Variants in HPSE2 observed in about 807,000 individuals in gnomAD.
HPSE2 encodes heparanase 2 (inactive).
Under a neutral mutation model 60.5 loss-of-function variants are expected in HPSE2, and 38 were observed. The ratio of observed to expected loss-of-function variants is 0.63; its 90% confidence interval spans 0.48 to 0.82. The LOEUF (loss-of-function observed/expected upper bound fraction) is 0.82. Among genes scored for constraint, HPSE2 ranks in the 40% least tolerant of loss-of-function variants. HPSE2 has a pLI of 0.00. For synonymous variants in HPSE2, 295 were observed against 293.2 expected (o/e 1.01, Z -0.06); for missense variants, 713 against 740.4 (o/e 0.96, Z 0.43).
chr10:98,884,900 T>C (rs1953124509), intron 3 of HPSE2, among the ~76,000 whole-genome samples: 1 of 152,182 alleles, frequency 6.6e-6, no homozygotes, highest in Non-Finnish European at 1.5e-5. Context: ...CTGAAGCCCA[T>C]GGATCAAGGA....
intron 9 of HPSE2, among the ~76,000 whole-genome samples, chr10:98,493,154 CT>C (rs1941714601): frequency 6.6e-6 from 1 of 152,154 alleles, no homozygotes; most frequent in South Asian, 2.1e-4. Context: ...GAATTTTCTT[CT>C]TTTGTAAGGC....
chr10:98,599,974 C>T (rs748318837), intron 9 of HPSE2, among the ~76,000 whole-genome samples: 13 of 152,136 alleles, frequency 8.5e-5, no homozygotes, highest in Non-Finnish European at 1.3e-4. Flanking sequence ...GCAAAAAAGT[C>T]ATGTTTCCTA....
intron 2 of HPSE2, among the ~76,000 whole-genome samples, chr10:99,150,189 C>T (rs1452642011): frequency 6.6e-6 from 1 of 152,152 alleles, no homozygotes; most frequent in Non-Finnish European, 1.5e-5. Context: ...TTCTGGACAT[C>T]TAGGTATAAA....
rs1590000771 is a variant in HPSE2, at chr10:98,880,786, GT to G, written c.611-136731del. Among the ~76,000 whole-genome samples, 3 of 152,030 alleles carry G rather than the reference GT, an allele frequency of 2.0e-5. No homozygotes were observed. In the East Asian group the frequency reaches 5.8e-4, roughly 29 times the overall value. Reference sequence around the variant, plus strand: ...TGCATATCCTTTTGTACCATTGGAGGTTTTTTCCATGTTTAAATATGACTTT... The same window carrying G: ...TGCATATCCTTTTGTACCATTGGAGGTTTTTCCATGTTTAAATATGACTTT... On this transcript the variant is annotated intron_variant, in intron 3 of 11. Transcript: ENST00000370552.
At chr10:98,689,621 T>C (rs1008478113) in intron 6 of HPSE2, among the ~76,000 whole-genome samples, 1 of 152,214 alleles carries the variant, frequency 6.6e-6, no homozygotes. Flanking sequence ...ATCCTCTTCA[T>C]CATGGTCATA....
chr10:98,508,084 C>T (rs1942260645), intron 9 of HPSE2, among the ~76,000 whole-genome samples: 1 of 151,818 alleles, frequency 6.6e-6, no homozygotes, highest in Admixed American at 6.6e-5. Context: ...AAAAAAAAAT[C>T]CAAAGGAAGG....
chr10:98,470,433 G>A (rs753774894), intron 11 of HPSE2, among the ~76,000 whole-genome samples: 9 of 152,146 alleles, frequency 5.9e-5, no homozygotes, highest in Non-Finnish European at 1.3e-4. Flanking sequence ...TAATGCTCCA[G>A]GCCCCTTGTC....
At chr10:99,026,562 T>C (rs977375654) in intron 3 of HPSE2, among the ~76,000 whole-genome samples, 1 of 152,264 alleles carries the variant, frequency 6.6e-6, no homozygotes, top group Non-Finnish European at 1.5e-5. Context: ...ATTGGACAGA[T>C]ATTCCAGACA....
chr10:98,788,560 A>C (rs1388276226), intron 3 of HPSE2, among the ~76,000 whole-genome samples: 1 of 151,600 alleles, frequency 6.6e-6, no homozygotes, highest in Non-Finnish European at 1.5e-5. Flanking sequence ...GCCGCCTTGC[A>C]GTTTGATCTC....
At chr10:99,051,261 C>T (rs947991363) in intron 3 of HPSE2, among the ~76,000 whole-genome samples, 5 of 152,104 alleles carry the variant, frequency 3.3e-5, no homozygotes, top group East Asian at 3.9e-4. Flanking sequence ...CCAGCCTGGG[C>T]GACAGAGTGC....
rs1564692564 is a variant in HPSE2, at chr10:98,960,712, T to A, written c.610+183526A>T. On this transcript the variant is annotated intron_variant, in intron 3 of 11. Coordinates refer to ENST00000370552, the MANE Select transcript of HPSE2 (RefSeq NM_021828.5). ...AACTATGTACATTTCTTTTTTTTTT[T>A]TTTTTTTTGTTTTATTTTTTTTATT... Among the ~76,000 whole-genome samples the A allele has an allele frequency of 5.6e-4, 29 of 51,900 alleles. 1 individual carries two copies. Among genetic ancestry groups the A allele is most frequent in the African/African-American group, 1.1e-3 (13 of 11,390 alleles). 34.0% of individuals were successfully genotyped at this position (51,900 alleles called of 152,430 possible). A position where few individuals can be genotyped will look rare whatever the true frequency, so the allele number is the denominator to read the frequency against.
At chr10:98,947,422 T>C (rs1032738072) in intron 3 of HPSE2, among the ~76,000 whole-genome samples, 1 of 152,120 alleles carries the variant, frequency 6.6e-6, no homozygotes, top group Non-Finnish European at 1.5e-5. Flanking sequence ...CAGCAAAGGA[T>C]GGTTTGATAA....
At chr10:99,029,454 CA>C (rs1957450323) in intron 3 of HPSE2, among the ~76,000 whole-genome samples, 1 of 152,066 alleles carries the variant, frequency 6.6e-6, no homozygotes, top group African/African-American at 2.4e-5. Flanking sequence ...GTAGTGGCCC[CA>C]AATGTCTGGC....
At chr10:98,799,533 T>C (rs1279211768) in intron 3 of HPSE2, among the ~76,000 whole-genome samples, 4 of 152,210 alleles carry the variant, frequency 2.6e-5, no homozygotes, top group Non-Finnish European at 5.9e-5. Context: ...GACTATATGT[T>C]AGGTCACAAA....
At chr10:98,953,630 G>C (rs2135202694) in intron 3 of HPSE2, among the ~76,000 whole-genome samples, 1 of 152,260 alleles carries the variant, frequency 6.6e-6, no homozygotes, top group South Asian at 2.1e-4. Context: ...TTTGGAGCTT[G>C]AGGATTTGGG....
At chr10:98,464,282 A>AATT (rs1940433746) in intron 11 of HPSE2, among the ~76,000 whole-genome samples, 1 of 152,320 alleles carries the variant, frequency 6.6e-6, no homozygotes, top group Admixed American at 6.5e-5. Context: ...TTGAAAGGAC[A>AATT]ATTACTATAA....
chr10:99,299,506 T>C, the HPSE2 span, among the ~76,000 whole-genome samples: 6 of 152,214 alleles, frequency 3.9e-5, no homozygotes, highest in Non-Finnish European at 7.3e-5. Context: ...TGGCATGGCA[T>C]GCAGAAATTA....
chr10:98,604,237 G>A (rs1214248248), intron 9 of HPSE2, among the ~76,000 whole-genome samples: 1 of 151,756 alleles, frequency 6.6e-6, no homozygotes, highest in Non-Finnish European at 1.5e-5. Flanking sequence ...GGCTCTAATG[G>A]ACAAAGCAAA....
chr10:98,635,298 C>T (rs1361097126), intron 7 of HPSE2, among the ~76,000 whole-genome samples: 1 of 152,140 alleles, frequency 6.6e-6, no homozygotes, highest in Non-Finnish European at 1.5e-5. Context: ...TAAATTTGGA[C>T]ATCCATTATG....
Sources: allele counts gnomAD v4.1 joint callset (sites outside exome capture counted in the v4.1 genomes callset), GRCh38; gene constraint gnomAD v4.1.1; transcripts MANE v1.5; gene names NCBI Gene and HGNC (gene_info 2026-07-23, HGNC 2026-07-21).